The following CMIP variants were observed in gnomAD, a reference collection of about 807,000 sequenced individuals.
CMIP encodes the protein c-Maf inducing protein.
Under a neutral mutation model 97.3 loss-of-function variants are expected in CMIP, and 13 were observed. The ratio of observed to expected loss-of-function variants is 0.13; its 90% confidence interval spans 0.09 to 0.21. The LOEUF (loss-of-function observed/expected upper bound fraction) is 0.21, where lower values mean the gene tolerates loss of function less well. Among genes scored for constraint, CMIP ranks in the 10% least tolerant of loss-of-function variants. The pLI, the probability that CMIP is intolerant of heterozygous loss-of-function variation, is 1.00. For missense variants in CMIP, 847 were observed against 1,024.9 expected, an observed-to-expected ratio of 0.83 and a Z score of 2.37; for synonymous variants, 538 against 436.3, an observed-to-expected ratio of 1.23 and a Z score of -2.91.
intron 1 of CMIP, among the ~76,000 whole-genome samples, chr16:81,587,918 T>C (rs1446094622): frequency 2.0e-5 from 3 of 152,180 alleles, no homozygotes; most frequent in Non-Finnish European, 4.4e-5. Context: ...CCTTGTCACA[T>C]ATCCTGGAAA....
intron 1 of CMIP, among the ~76,000 whole-genome samples, chr16:81,452,936 A>G (rs1443900705): frequency 2.7e-5 from 4 of 146,360 alleles, no homozygotes; most frequent in African/African-American, 7.6e-5. Context: ...TAAATAGTGA[A>G]GAATAGCCCT....
chr16:81,531,905 G>C (rs753154878), intron 1 of CMIP, among the ~76,000 whole-genome samples: 1 of 152,204 alleles, frequency 6.6e-6, no homozygotes, highest in South Asian at 2.1e-4. Flanking sequence ...TTTAGAAATG[G>C]CTCATAAATT....
chr16:81,630,620 C>T (rs1322375223), intron 3 of CMIP: 5 of 152,264 alleles, frequency 3.3e-5, no homozygotes, highest in East Asian at 3.9e-4. Context: ...CTTGGAGGGT[C>T]CTACCCTCCG....
chr16:81,619,778 A>G (rs1352205999), intron 2 of CMIP: 1 of 152,232 alleles, frequency 6.6e-6, no homozygotes, highest in Non-Finnish European at 1.5e-5. Flanking sequence ...CCAAAGTCTC[A>G]GTTTCCTCAT....
intron 17 of CMIP, 172 bp from the exon 18 acceptor site, chr16:81,703,767 C>T (rs903861598): frequency 7.2e-6 from 6 of 836,426 alleles, no homozygotes; most frequent in Admixed American, 5.7e-5. Flanking sequence ...TCTGGCCACC[C>T]CCTTGGCCCA....
intron 1 of CMIP, among the ~76,000 whole-genome samples, chr16:81,526,120 T>C (rs2090129915): frequency 6.6e-6 from 1 of 152,130 alleles, no homozygotes; most frequent in Non-Finnish European, 1.5e-5. Context: ...AAGTATCTTT[T>C]TGCATCCCTG....
At chr16:81,565,307 G>A (rs1277791498) in intron 1 of CMIP, among the ~76,000 whole-genome samples, 3 of 152,214 alleles carry the variant, frequency 2.0e-5, no homozygotes, top group Non-Finnish European at 4.4e-5. Context: ...TCTCCAAGAA[G>A]AGGAGCCTCT....
At chr16:81,691,752 A>T in intron 10 of CMIP, 23 bp from the exon 11 acceptor site, 1 of 1,610,504 alleles carries the variant, frequency 6.2e-7, no homozygotes, top group Non-Finnish European at 8.5e-7. Context: ...ACCAAAGCTG[A>T]CTGTCACCCT....
chr16:81,632,962 G>A (rs1163517086), intron 3 of CMIP, among the ~76,000 whole-genome samples: 5 of 152,224 alleles, frequency 3.3e-5, no homozygotes, highest in South Asian at 2.1e-4. Context: ...AAGAAGTGGC[G>A]TTTGTGGGTT....
At chr16:81,699,823 C>T (rs1237989393) in intron 15 of CMIP, 22 bp downstream of exon 15, 1 of 1,539,678 alleles carries the variant, frequency 6.5e-7, no homozygotes, top group East Asian at 2.3e-5. Flanking sequence ...GTCGGGGTCC[C>T]TGGTGGGGTG....
intron 3 of CMIP, among the ~76,000 whole-genome samples, chr16:81,640,201 A>G (rs76986221): frequency 0.11 from 17,381 of 151,920 alleles, 1,124 homozygotes; most frequent in South Asian, 0.23. Flanking sequence ...GGCTTATGCA[A>G]TCGGGTAATG....
chr16:81,481,811 G>C (rs916075927), intron 1 of CMIP, among the ~76,000 whole-genome samples: 1 of 151,758 alleles, frequency 6.6e-6, no homozygotes, highest in African/African-American at 2.4e-5. Context: ...TCCTTCCCTC[G>C]TGGCAGCATC....
intron 1 of CMIP, among the ~76,000 whole-genome samples, chr16:81,509,287 C>T (rs1339149037): frequency 6.6e-6 from 1 of 152,128 alleles, no homozygotes; most frequent in Non-Finnish European, 1.5e-5. Flanking sequence ...GGCAGGACCA[C>T]CCAGCTGGAG....
intron 6 of CMIP, among the ~76,000 whole-genome samples, chr16:81,663,118 A>G (rs2092565539): frequency 6.6e-6 from 1 of 152,090 alleles, no homozygotes; most frequent in Non-Finnish European, 1.5e-5. Context: ...AAAAAATTTT[A>G]AGGCTATGGC....
At chr16:81,456,571 T>TGTA (rs372084585) in intron 1 of CMIP, among the ~76,000 whole-genome samples, 385 of 152,334 alleles carry the variant, frequency 2.5e-3, no homozygotes, top group African/African-American at 7.9e-3. Context: ...ATTCATCTAA[T>TGTA]CCTCACGATG....
At chr16:81,569,534 A>G (rs1410052169) in intron 1 of CMIP, among the ~76,000 whole-genome samples, 7 of 152,236 alleles carry the variant, frequency 4.6e-5, no homozygotes, top group Non-Finnish European at 5.9e-5. Context: ...ACCTGCAGGA[A>G]CTGATTCCAC....
intron 1 of CMIP, among the ~76,000 whole-genome samples, chr16:81,491,702 C>T (rs942433909): frequency 6.6e-6 from 1 of 152,222 alleles, no homozygotes; most frequent in East Asian, 1.9e-4. Context: ...TCCACAATCA[C>T]GTGGATCTGG....
intron 1 of CMIP, among the ~76,000 whole-genome samples, chr16:81,482,093 G>C (rs2089233596): frequency 6.6e-6 from 1 of 152,086 alleles, no homozygotes; most frequent in Non-Finnish European, 1.5e-5. Flanking sequence ...TGGCCAGGGT[G>C]GTTTCGAACT....
intron 1 of CMIP, among the ~76,000 whole-genome samples, chr16:81,489,682 C>T (rs1269012885): frequency 6.6e-6 from 1 of 152,212 alleles, no homozygotes. Flanking sequence ...TGGAGCCCCC[C>T]TCCCTTCTCT....
Sources: gnomAD v4.1 joint callset for allele counts (sites outside exome capture counted in the v4.1 genomes callset) on GRCh38, gnomAD v4.1.1 for gene constraint, MANE v1.5 for transcripts, NCBI Gene and HGNC (gene_info 2026-07-23, HGNC 2026-07-21) for gene names.